Variants in FREM2 observed in about 807,000 individuals in gnomAD.
The protein encoded by FREM2 is FRAS1-related extracellular matrix protein 2.
A neutral mutation model predicts 219.9 loss-of-function variants in FREM2; 119 were observed. The ratio of observed to expected loss-of-function variants is 0.54; its 90% CI spans 0.47 to 0.63. The LOEUF (loss-of-function observed/expected upper bound fraction) is 0.63, where lower values mean the gene tolerates loss of function less well. FREM2 is among the 30% of genes least tolerant of loss of function. The pLI is 0.00. For synonymous variants in FREM2, 1,562 were observed against 1,522.8 expected (o/e 1.03, Z -0.60); for missense variants, 4,030 against 3,993.6 (o/e 1.01, Z -0.25).
chr13:38,782,202 T>G (rs747509293), intron 4 of FREM2, among the ~76,000 whole-genome samples: 47 of 152,190 alleles, frequency 3.1e-4, no homozygotes, highest in Non-Finnish European at 4.4e-4. Context: ...AATCATGAAG[T>G]GTTTTCTGTG....
chr13:38,711,726 G>A (rs978402595), intron 2 of FREM2, among the ~76,000 whole-genome samples: 6 of 152,002 alleles, frequency 3.9e-5, no homozygotes, highest in African/African-American at 1.2e-4. Context: ...AAATTTAAAA[G>A]CACTTTAGGA....
rs545602715 is a variant in FREM2 at position 38,837,090 on chromosome 13, T to A, written c.6020-9483T>A. Reference sequence around the variant, plus strand: ...TTCTGTGAGCATTATTGCTATAAATTTCCCTCTAAACACTGCTTTATCTGT... The same window carrying A: ...TTCTGTGAGCATTATTGCTATAAATATCCCTCTAAACACTGCTTTATCTGT... On this transcript the variant is annotated intron_variant, in intron 6 of 23. Coordinates refer to ENST00000280481, the MANE Select transcript of FREM2 (RefSeq NM_207361.6). 7.5e-4 allele frequency among the ~76,000 whole-genome samples: 115 copies of A among 152,330 alleles called. 2 individuals carry two copies. The South Asian group carries it at 0.024, about 31-fold the overall frequency.
chr13:38,727,147 C>T (rs1871560474), intron 2 of FREM2, among the ~76,000 whole-genome samples: 1 of 152,076 alleles, frequency 6.6e-6, no homozygotes, highest in African/African-American at 2.4e-5. Context: ...ATCAAAACAC[C>T]TCTAAATCAT....
At chr13:38,825,877 A>T (rs1038595781) in intron 6 of FREM2, among the ~76,000 whole-genome samples, 16 of 152,238 alleles carry the variant, frequency 1.1e-4, no homozygotes, top group African/African-American at 3.8e-4. Flanking sequence ...ATTGTATTTT[A>T]AAAATATATT....
At chr13:38,813,375 T>C (rs1389184010) in intron 6 of FREM2, among the ~76,000 whole-genome samples, 2 of 151,214 alleles carry the variant, frequency 1.3e-5, no homozygotes, top group African/African-American at 4.9e-5. Context: ...GCACTTTAAA[T>C]ATGTCATACC....
Position 38,689,569 on chromosome 13 carries a change from T to C in FREM2, c.2225T>C (p.Val742Ala). Reference protein sequence around the residue: ...DTDDRELRYTVTQPPTDTDEN... With the variant: ...DTDDRELRYTATQPPTDTDEN... ...GATGACCGAGAACTACGTTACACAG[T>C]GACTCAGCCCCCCACAGACACAGAC... The change falls in exon 1 of 24, where the codon GTG (valine) becomes GCG (alanine). Residue 742 changes from valine (V) to alanine (A), a missense_variant. Physicochemically the swap from Val to Ala is moderately conservative, Grantham distance 64. This residue lies in a region of FREM2 where 3,102 missense variants were observed against 2,950.7 expected (regional missense o/e 1.05). Coordinates refer to ENST00000280481, the MANE Select transcript of FREM2 (RefSeq NM_207361.6). The C allele has an allele frequency of 6.2e-7, 1 of 1,612,804 alleles. No individual in the cohort carries two copies. Among genetic ancestry groups the C allele is most frequent in the East Asian group, 2.2e-5 (1 of 44,826 alleles).
intron 2 of FREM2, among the ~76,000 whole-genome samples, chr13:38,700,146 A>G (rs1394033581): frequency 6.6e-6 from 1 of 152,120 alleles, no homozygotes; most frequent in African/African-American, 2.4e-5. Flanking sequence ...TAAAAATAAA[A>G]CATAATTCAA....
chr13:38,825,955 A>T (rs1294304144), intron 6 of FREM2, among the ~76,000 whole-genome samples: 1 of 152,168 alleles, frequency 6.6e-6, no homozygotes, highest in Non-Finnish European at 1.5e-5. Context: ...TTCTCTTTAA[A>T]GCCAAAATGT....
intron 6 of FREM2, among the ~76,000 whole-genome samples, chr13:38,787,011 A>G (rs975466122): frequency 7.2e-5 from 11 of 152,182 alleles, no homozygotes; most frequent in African/African-American, 2.7e-4. Context: ...GTATGGTCCT[A>G]TCATATAATA....
Position 38,754,602 on chromosome 13 carries a change from G to T in FREM2, c.5264-9702G>T, listed in dbSNP as rs2442349. Reference sequence around the variant, plus strand: ...AGAATGTGGAAATACCTAAATTGCAGGGTTGCTGTGAGATGCATTGAGATA... The same window carrying T: ...AGAATGTGGAAATACCTAAATTGCATGGTTGCTGTGAGATGCATTGAGATA... On this transcript the variant is annotated intron_variant, in intron 2 of 23. Coordinates refer to ENST00000280481, the MANE Select transcript of FREM2 (RefSeq NM_207361.6). 9.8e-3 allele frequency among the ~76,000 whole-genome samples: 1,496 copies of T among 152,170 alleles called. 20 individuals carry two copies. The highest frequency in any genetic ancestry group is 0.035 in the African/African-American group (1,444 of 41,504).
At chr13:38,799,228 C>G (rs1874914234) in intron 6 of FREM2, among the ~76,000 whole-genome samples, 1 of 151,794 alleles carries the variant, frequency 6.6e-6, no homozygotes, top group African/African-American at 2.4e-5. Flanking sequence ...TTGCAATAGT[C>G]ATTCAGAAGC....
chr13:38,864,085 TCCCAAAGTGCC>T (rs1877861671), intron 15 of FREM2, among the ~76,000 whole-genome samples, 179 bp from the exon 16 acceptor site: 1 of 90,602 alleles, frequency 1.1e-5, no homozygotes, highest in Non-Finnish European at 2.1e-5. Context: ...CACCTAGACC[TCCCAAAGTGCC>T]GGGATTACAG....
At chr13:38,855,958 G>A (rs1429919881) in intron 11 of FREM2, among the ~76,000 whole-genome samples, 168 bp from the exon 12 acceptor site, 5 of 147,406 alleles carry the variant, frequency 3.4e-5, no homozygotes, top group Non-Finnish European at 7.4e-5. Context: ...AATTAGTGAT[G>A]TTTGTTAAAC....
intron 6 of FREM2, among the ~76,000 whole-genome samples, chr13:38,785,034 G>A (rs528738485): frequency 1.3e-5 from 2 of 152,062 alleles, no homozygotes; most frequent in African/African-American, 2.4e-5. Flanking sequence ...AGTTTTTTCC[G>A]CTGCGCCGTT....
chr13:38,789,416 C>A (rs142299489), intron 6 of FREM2, among the ~76,000 whole-genome samples: 88 of 151,276 alleles, frequency 5.8e-4, no homozygotes, highest in African/African-American at 2.1e-3. Context: ...TTTATGTATC[C>A]ATTTTATTAC....
At chr13:38,789,146 A>G (rs972557550) in intron 6 of FREM2, among the ~76,000 whole-genome samples, 2 of 151,970 alleles carry the variant, frequency 1.3e-5, no homozygotes, top group African/African-American at 4.8e-5. Flanking sequence ...TTGAGGTACT[A>G]TCTTCCTTCT....
At chr13:38,853,236 G>T (rs900177077) in intron 11 of FREM2, among the ~76,000 whole-genome samples, 1 of 149,142 alleles carries the variant, frequency 6.7e-6, no homozygotes, top group Admixed American at 6.7e-5. Context: ...CCTGAGGCAG[G>T]AGAATGGCTT....
chr13:38,876,426 CTTTG>C, intron 20 of FREM2, 44 bp downstream of exon 20: 1 of 1,533,060 alleles, frequency 6.5e-7, no homozygotes, highest in Non-Finnish European at 9.0e-7. Flanking sequence ...CAGAATCCCA[CTTTG>C]TTTTTCATTT....
At chr13:38,745,577 C>T (rs1025160914) in intron 2 of FREM2, among the ~76,000 whole-genome samples, 9 of 152,152 alleles carry the variant, frequency 5.9e-5, no homozygotes, top group Non-Finnish European at 1.3e-4. Context: ...TCCTTTCTCC[C>T]CCTCTGTTGA....
Sources: allele counts gnomAD v4.1 joint callset (sites outside exome capture counted in the v4.1 genomes callset), GRCh38; gene constraint gnomAD v4.1.1; regional missense constraint gnomAD v4.1.1; transcripts MANE v1.5; gene names NCBI Gene and HGNC (gene_info 2026-07-23, HGNC 2026-07-21).